The following KIAA1958 variants were observed in gnomAD, a reference collection of about 807,000 sequenced individuals.
KIAA1958 encodes uncharacterized protein KIAA1958.
Under a neutral mutation model 47.2 loss-of-function variants are expected in KIAA1958, and 14 were observed. The observed-to-expected ratio is 0.30, with a 90% CI of 0.20 to 0.46. The LOEUF is 0.46. Among genes scored for constraint, KIAA1958 ranks in the 20% least tolerant of loss-of-function variants. The pLI, the probability that KIAA1958 is intolerant of heterozygous loss-of-function variation, is 1.00. For synonymous variants in KIAA1958, 354 were observed against 353.3 expected, an observed-to-expected ratio of 1.00 and a Z score of -0.02; for missense variants, 803 against 909.2, an observed-to-expected ratio of 0.88 and a Z score of 1.50.
At chr9:112,500,376 C>T (rs542574370) in intron 1 of KIAA1958, among the ~76,000 whole-genome samples, 2 of 151,840 alleles carry the variant, frequency 1.3e-5, no homozygotes, top group South Asian at 2.1e-4. Context: ...GCTGGGATTA[C>T]AGGCAAAACA....
At position 112,644,730 on chromosome 9, in the gene KIAA1958, A is replaced by G. The variant is rs1836948521; in HGVS notation, c.1172-920A>G. Among the ~76,000 whole-genome samples the G allele has an allele frequency of 2.0e-5, 3 of 151,706 alleles. 1 individual carries two copies. The highest frequency in any genetic ancestry group is 2.4e-5 in the African/African-American group (1 of 41,230). On this transcript the variant is annotated intron_variant, in intron 2 of 3. Transcript: ENST00000337530. ...GAAATATTCCTCCCTCCTTCCTACA[A>G]TTTTTCTCTCACTTGACCTTCCCTT...
intron 1 of KIAA1958, among the ~76,000 whole-genome samples, chr9:112,554,031 T>G (rs548443445): frequency 2.0e-5 from 3 of 152,328 alleles, no homozygotes; most frequent in Admixed American, 6.5e-5. Context: ...GATGGTATCA[T>G]GTACTGTAAG....
At chr9:112,558,537 C>G (rs548898194) in intron 1 of KIAA1958, among the ~76,000 whole-genome samples, 34 of 152,206 alleles carry the variant, frequency 2.2e-4, no homozygotes, top group African/African-American at 7.7e-4. Context: ...TGGTATGGCC[C>G]CAAATTGGGA....
chr9:112,658,820 A>G (rs1182055083), intron 3 of KIAA1958, among the ~76,000 whole-genome samples: 1 of 148,436 alleles, frequency 6.7e-6, no homozygotes, highest in East Asian at 2.0e-4. Context: ...TTAGATCGAG[A>G]CCATCCTGGC....
chr9:112,499,693 T>C (rs902388769), intron 1 of KIAA1958, among the ~76,000 whole-genome samples: 19 of 148,748 alleles, frequency 1.3e-4, no homozygotes, highest in Middle Eastern at 3.4e-3. Context: ...TTTTTCTTTT[T>C]TTTTTTTTTT....
intron 2 of KIAA1958, among the ~76,000 whole-genome samples, chr9:112,613,659 G>T (rs747114529): frequency 4.6e-5 from 7 of 151,988 alleles, no homozygotes; most frequent in Non-Finnish European, 5.9e-5. Context: ...GTAGATAAAT[G>T]GACAAAATAT....
chr9:112,549,575 A>T (rs1250537548), intron 1 of KIAA1958, among the ~76,000 whole-genome samples: 4 of 152,212 alleles, frequency 2.6e-5, no homozygotes, highest in Admixed American at 6.5e-5. Flanking sequence ...TGAAAGTATA[A>T]TGATTAATAA....
chr9:112,566,904 G>C (rs997898079), intron 1 of KIAA1958, among the ~76,000 whole-genome samples: 1 of 152,076 alleles, frequency 6.6e-6, no homozygotes, highest in Non-Finnish European at 1.5e-5. Context: ...TGAGGCAAAG[G>C]GGTGTTTAAA....
chr9:112,564,918 T>C (rs1021571311), intron 1 of KIAA1958, among the ~76,000 whole-genome samples: 1 of 152,224 alleles, frequency 6.6e-6, no homozygotes, highest in African/African-American at 2.4e-5. Context: ...AAGTGACTTA[T>C]TTATTTCTAA....
At chr9:112,611,679 ATTTAAT>A (rs911501648) in intron 2 of KIAA1958, among the ~76,000 whole-genome samples, 7 of 152,124 alleles carry the variant, frequency 4.6e-5, no homozygotes, top group Admixed American at 3.3e-4. Flanking sequence ...CTTAGTATAC[ATTTAAT>A]TTTATCAGTG....
intron 1 of KIAA1958, among the ~76,000 whole-genome samples, chr9:112,503,026 A>C (rs1324009746): frequency 6.6e-6 from 1 of 152,234 alleles, no homozygotes; most frequent in Non-Finnish European, 1.5e-5. Context: ...AATCAGTAAA[A>C]ACAAAGTACT....
At chr9:112,550,159 TCTC>T (rs1275693144) in intron 1 of KIAA1958, among the ~76,000 whole-genome samples, 1 of 151,596 alleles carries the variant, frequency 6.6e-6, no homozygotes, top group Non-Finnish European at 1.5e-5. Flanking sequence ...TGGGATGTCT[TCTC>T]TTTGGCTGTT....
At chr9:112,573,031 C>T (rs554964996) in intron 1 of KIAA1958, among the ~76,000 whole-genome samples, 1 of 152,252 alleles carries the variant, frequency 6.6e-6, no homozygotes, top group Admixed American at 6.5e-5. Flanking sequence ...ATTCCTGTGC[C>T]TCCCTGACCA....
chr9:112,639,332 A>T (rs1044007117), intron 2 of KIAA1958, among the ~76,000 whole-genome samples: 13 of 152,152 alleles, frequency 8.5e-5, no homozygotes, highest in Non-Finnish European at 1.9e-4. Context: ...TACAGATGCC[A>T]TCCTTATCAG....
intron 2 of KIAA1958, among the ~76,000 whole-genome samples, chr9:112,627,989 T>A (rs1204114952): frequency 1.3e-5 from 2 of 152,232 alleles, no homozygotes; most frequent in Non-Finnish European, 2.9e-5. Context: ...AGAAAATCGT[T>A]TCAACATATT....
chr9:112,659,019 C>CAAAAAAAAA (rs560013892), intron 3 of KIAA1958, among the ~76,000 whole-genome samples: 73 of 57,552 alleles, frequency 1.3e-3, no homozygotes, highest in Non-Finnish European at 1.9e-3. Context: ...GACTCTGACT[C>CAAAAAAAAA]AAAAAAAAAA....
intron 2 of KIAA1958, among the ~76,000 whole-genome samples, chr9:112,592,243 C>A (rs1302768612): frequency 1.3e-5 from 2 of 152,142 alleles, no homozygotes; most frequent in Non-Finnish European, 2.9e-5. Flanking sequence ...CATATTAATT[C>A]TTTGAAAAGA....
intron 1 of KIAA1958, among the ~76,000 whole-genome samples, chr9:112,532,346 T>C (rs1465910250): frequency 1.3e-5 from 2 of 152,272 alleles, no homozygotes; most frequent in Non-Finnish European, 2.9e-5. Flanking sequence ...AATGATACTT[T>C]TCTTTTCAGT....
chr9:112,616,051 T>C (rs562200255), intron 2 of KIAA1958, among the ~76,000 whole-genome samples: 81 of 152,374 alleles, frequency 5.3e-4, no homozygotes, highest in African/African-American at 1.9e-3. Context: ...ACAGATGTGC[T>C]GGCCCCTTTG....
Sources: allele counts gnomAD v4.1 joint callset (sites outside exome capture counted in the v4.1 genomes callset), GRCh38; gene constraint gnomAD v4.1.1; transcripts MANE v1.5; gene names NCBI Gene and HGNC (gene_info 2026-07-23, HGNC 2026-07-21).